The following DSCAML1 variants were observed in gnomAD, a reference collection of about 807,000 sequenced individuals.
The protein encoded by DSCAML1 is DS cell adhesion molecule like 1, also known as cell adhesion molecule DSCAML1.
Under a neutral mutation model 200.5 loss-of-function variants are expected in DSCAML1, and 38 were observed. The ratio of observed to expected loss-of-function variants is 0.19; its 90% CI spans 0.15 to 0.25. The LOEUF (loss-of-function observed/expected upper bound fraction) is 0.25. Ranked by LOEUF, DSCAML1 falls within the 10% of genes least tolerant of loss-of-function variation. The probability of loss-of-function intolerance (pLI) is 1.00; values close to 1 mark genes in which losing one functional copy is unlikely to be tolerated. For synonymous variants in DSCAML1, 1,215 were observed against 1,165.0 expected (o/e 1.04, Z -0.87); for missense variants, 2,223 against 2,858.8 (o/e 0.78, Z 5.07).
chr11:117,757,310 T>A (rs1015585134), intron 3 of DSCAML1, among the ~76,000 whole-genome samples: 2 of 152,272 alleles, frequency 1.3e-5, no homozygotes, highest in East Asian at 3.9e-4. Flanking sequence ...AATCTCACTA[T>A]CTAGAAATAA....
chr11:117,751,691 C>T (rs1026382886), intron 3 of DSCAML1, among the ~76,000 whole-genome samples: 2 of 152,122 alleles, frequency 1.3e-5, no homozygotes, highest in Non-Finnish European at 2.9e-5. Flanking sequence ...ACAGCCTCCT[C>T]AGTAACCCAG....
intron 3 of DSCAML1, among the ~76,000 whole-genome samples, chr11:117,774,509 G>A (rs1000869848): frequency 6.6e-6 from 1 of 152,176 alleles, no homozygotes; most frequent in Non-Finnish European, 1.5e-5. Context: ...GGGAAATGGA[G>A]GGGGTAAATG....
chr11:117,810,218 C>T (rs1023419919), intron 1 of DSCAML1, among the ~76,000 whole-genome samples: 5 of 150,340 alleles, frequency 3.3e-5, no homozygotes, highest in African/African-American at 5.0e-5. Flanking sequence ...CCCAAAACTC[C>T]GTGGACCCAA....
rs564311910 is a variant in DSCAML1, at chr11:117,610,699, C to T, written c.512-78177G>A. Reference sequence around the variant, plus strand: ...TTCTTATTTGTTCACATAAAGCCGCCCCATCCTTTATAATGATTGCCCTGT... The same window carrying T: ...TTCTTATTTGTTCACATAAAGCCGCTCCATCCTTTATAATGATTGCCCTGT... On this transcript the variant is annotated intron_variant, in intron 3 of 32. Transcript: ENST00000651296. 3.9e-5 allele frequency among the ~76,000 whole-genome samples: 6 copies of T among 151,908 alleles called. No individual in the cohort carries two copies. The South Asian group carries it at 1.3e-3, about 32-fold the overall frequency.
At chr11:117,582,937 G>A (rs935163581) in intron 3 of DSCAML1, among the ~76,000 whole-genome samples, 2 of 152,034 alleles carry the variant, frequency 1.3e-5, no homozygotes, top group Non-Finnish European at 2.9e-5. Flanking sequence ...TGCTTTCAAA[G>A]TGTTTTCATA....
chr11:117,683,945 G>A (rs986697245), intron 3 of DSCAML1, among the ~76,000 whole-genome samples: 6 of 152,186 alleles, frequency 3.9e-5, no homozygotes, highest in East Asian at 1.9e-4. Context: ...ACATAGACAC[G>A]TATGTGCACA....
chr11:117,478,845 C>T (rs1450069447), intron 14 of DSCAML1, among the ~76,000 whole-genome samples: 2 of 152,254 alleles, frequency 1.3e-5, no homozygotes, highest in African/African-American at 4.8e-5. Flanking sequence ...GGACCAGACA[C>T]ATGCCTTCCT....
At chr11:117,722,788 T>A (rs2054062446) in intron 3 of DSCAML1, among the ~76,000 whole-genome samples, 1 of 152,202 alleles carries the variant, frequency 6.6e-6, no homozygotes, top group African/African-American at 2.4e-5. Flanking sequence ...ACCAAACTCC[T>A]CTGGGTGTTT....
chr11:117,433,492 A>G (rs1446748197), intron 27 of DSCAML1, 21 bp from the exon 28 acceptor site: 7 of 1,611,452 alleles, frequency 4.3e-6, no homozygotes, highest in Non-Finnish European at 5.9e-6. Context: ...GTAGAGGGAG[A>G]GGAGGGCTGG....
At chr11:117,589,168 GTAAA>G (rs967099310) in intron 3 of DSCAML1, among the ~76,000 whole-genome samples, 1 of 149,288 alleles carries the variant, frequency 6.7e-6, no homozygotes, top group Non-Finnish European at 1.5e-5. Context: ...GAGGGGGCCT[GTAAA>G]TAGAGAGAAG....
chr11:117,440,577 G>A (rs1409134904), intron 21 of DSCAML1, among the ~76,000 whole-genome samples: 1 of 152,172 alleles, frequency 6.6e-6, no homozygotes, highest in Non-Finnish European at 1.5e-5. Context: ...AGGGCCAGGA[G>A]ACTGGACTCC....
intron 1 of DSCAML1, among the ~76,000 whole-genome samples, chr11:117,787,289 T>C (rs1053763880): frequency 2.6e-5 from 4 of 152,254 alleles, no homozygotes; most frequent in African/African-American, 4.8e-5. Context: ...TTCTGCTTTA[T>C]GTAAGTGCCT....
chr11:117,694,279 T>C (rs1158716887), intron 3 of DSCAML1, among the ~76,000 whole-genome samples: 2 of 151,770 alleles, frequency 1.3e-5, no homozygotes, highest in Non-Finnish European at 2.9e-5. Flanking sequence ...GGCAGGTGCC[T>C]GTAATCCCAG....
chr11:117,546,198 C>T (rs1362388781), intron 3 of DSCAML1, among the ~76,000 whole-genome samples: 4 of 152,174 alleles, frequency 2.6e-5, no homozygotes, highest in African/African-American at 2.4e-5. Flanking sequence ...GTGTCAGAAG[C>T]ACTCAGGAGG....
intron 8 of DSCAML1, among the ~76,000 whole-genome samples, chr11:117,513,462 C>T (rs181726138): frequency 2.6e-5 from 4 of 152,254 alleles, no homozygotes; most frequent in South Asian, 2.1e-4. Context: ...CACTTTCATC[C>T]GGGAGCGGTG....
At chr11:117,540,743 A>G (rs1022598289) in intron 3 of DSCAML1, among the ~76,000 whole-genome samples, 4 of 152,120 alleles carry the variant, frequency 2.6e-5, no homozygotes, top group Non-Finnish European at 5.9e-5. Flanking sequence ...CCTCATGTAA[A>G]TGACGAGTTG....
chr11:117,647,272 G>C (rs1397669108), intron 3 of DSCAML1, among the ~76,000 whole-genome samples: 3 of 152,232 alleles, frequency 2.0e-5, no homozygotes, highest in Non-Finnish European at 4.4e-5. Context: ...CCCCAGGAAA[G>C]GCTGGGCATC....
intron 3 of DSCAML1, among the ~76,000 whole-genome samples, chr11:117,591,228 CTG>C (rs1006282102): frequency 1.3e-5 from 2 of 152,080 alleles, no homozygotes; most frequent in African/African-American, 4.8e-5. Context: ...TATGGGGTCT[CTG>C]GGGCGAGGAG....
chr11:117,636,590 C>T (rs1025259623), intron 3 of DSCAML1, among the ~76,000 whole-genome samples: 2 of 152,118 alleles, frequency 1.3e-5, no homozygotes, highest in Non-Finnish European at 2.9e-5. Context: ...AAGGGAGGGA[C>T]GGAGCAGGGA....
Sources: allele counts gnomAD v4.1 joint callset (sites outside exome capture counted in the v4.1 genomes callset), GRCh38; gene constraint gnomAD v4.1.1; transcripts MANE v1.5; gene names NCBI Gene and HGNC (gene_info 2026-07-23, HGNC 2026-07-21).